DCLRE1A: variants seen among roughly 807,000 people sequenced by gnomAD.
DCLRE1A encodes DNA cross-link repair 1A protein.
A neutral mutation model predicts 91.9 loss-of-function variants in DCLRE1A; 64 were observed. That is an observed-to-expected ratio of 0.70 (90% CI 0.57 to 0.86). The LOEUF is 0.86. Ranked by LOEUF, DCLRE1A falls within the 40% of genes least tolerant of loss-of-function variation. The pLI is 0.00. For missense variants in DCLRE1A, 1,145 were observed against 1,213.3 expected (o/e 0.94, Z 0.84); for synonymous variants, 416 against 431.1 (o/e 0.96, Z 0.43).
In DCLRE1A at chr10:113,853,567, A is replaced by G. The variant is rs1845696577; in HGVS notation, c.-385T>C. ...TATAGGTTCAACAGCTTAATCTTAG[A>G]ACGAGATTTGTAACATTGTTATGAA... is the stretch of plus-strand genomic sequence containing the variant. On this transcript the variant is annotated 5_prime_UTR_variant, in exon 1 of 9. Coordinates refer to ENST00000361384, the MANE Select transcript of DCLRE1A (RefSeq NM_014881.5). 1 of 162,612 alleles carries G rather than the reference A, an allele frequency of 6.1e-6. No homozygotes were observed. The highest frequency in any genetic ancestry group is 2.4e-5 in the African/African-American group (1 of 41,718). The allele number at this position is 162,612 out of a possible 1,614,324, so 10.1% of individuals were successfully genotyped here. A position where few individuals can be genotyped will look rare whatever the true frequency, so the allele number is the denominator to read the frequency against.
In DCLRE1A at chr10:113,847,328, G is replaced by A. The variant is rs758643055; in HGVS notation, c.2133C>T (p.Gly711=). 7.1e-5 allele frequency: 114 copies of A among 1,613,384 alleles called. No individual in the cohort carries two copies. The South Asian group carries it at 7.9e-4, about 11-fold the overall frequency. The change falls in exon 3 of 9, where the codon GGC becomes GGT. Residue 711 remains glycine (G), a synonymous_variant. Transcript: ENST00000361384. Reference sequence around the variant, plus strand: ...CATACTGAAAGGCATCAACTGTAAAGCCGGTTCCTGCAATAAAAATACCGA... The same window carrying A: ...CATACTGAAAGGCATCAACTGTAAAACCGGTTCCTGCAATAAAAATACCGA... The part of the protein sequence containing the change: ...CPFYKKIPGT[G]FTVDAFQYGV...
intron 4 of DCLRE1A, 78 bp from the exon 5 acceptor site, chr10:113,844,322 G>C: frequency 6.4e-7 from 1 of 1,554,624 alleles, no homozygotes; most frequent in Non-Finnish European, 8.7e-7. Flanking sequence ...ATATCAACAA[G>C]TTAGCACGCT....
At chr10:113,835,769 C>T (rs532510013) in intron 8 of DCLRE1A, among the ~76,000 whole-genome samples, 27 of 152,018 alleles carry the variant, frequency 1.8e-4, no homozygotes, top group Middle Eastern at 6.8e-3. Context: ...ACCCCGTCTC[C>T]ACTAAAAATA....
chr10:113,842,412 C>T lies in DCLRE1A; in HGVS notation c.2596G>A (p.Val866Ile), dbSNP rs1396243810. The change falls in exon 6 of 9, where the codon GTA (valine) becomes ATA (isoleucine). Residue 866 changes from valine to isoleucine, a missense_variant. Coordinates refer to ENST00000361384, the MANE Select transcript of DCLRE1A (RefSeq NM_014881.5). ...ACAAGAGCATGTGGGTTTAGAGTTA[C>T]AGCCTCAAAGGCAGTGTTGATGGCA... ...RFAINTAFEA[V>I]TLNPHALVVC... 1 of 1,613,930 alleles carries T rather than the reference C, an allele frequency of 6.2e-7. No individual in the cohort carries two copies. Among genetic ancestry groups the T allele is most frequent in the Non-Finnish European group, 8.5e-7 (1 of 1,179,876 alleles).
In DCLRE1A at chr10:113,834,938, G is replaced by C; in HGVS notation, c.*214C>G. 2.3e-6 allele frequency: 1 copy of C among 439,472 alleles called. No individual in the cohort carries two copies. The highest frequency in any genetic ancestry group is 3.9e-6 in the Non-Finnish European group (1 of 253,880). The allele number at this position is 439,472 out of a possible 1,614,324, so 27.2% of individuals were successfully genotyped here. A position where few individuals can be genotyped will look rare whatever the true frequency, so the allele number is the denominator to read the frequency against. On this transcript the variant is annotated 3_prime_UTR_variant, in exon 9 of 9. Transcript: ENST00000361384. ...GGAGGGCAGGGGACAAGAAATTAAG[G>C]GTCCCAGGGAGACCCAGTTTCAGTT...
At chr10:113,837,952 G>C (rs990883642) in intron 7 of DCLRE1A, among the ~76,000 whole-genome samples, 1 of 152,056 alleles carries the variant, frequency 6.6e-6, no homozygotes, top group East Asian at 1.9e-4. Context: ...AATACTTTTG[G>C]TCTGAGGACT....
chr10:113,851,727 T>TA (rs1845653202), intron 1 of DCLRE1A, among the ~76,000 whole-genome samples: 1 of 151,734 alleles, frequency 6.6e-6, no homozygotes. Context: ...CTATACTTTT[T>TA]TTTTTTTTTT....
chr10:113,838,484 T>C (rs1845395891), intron 7 of DCLRE1A, among the ~76,000 whole-genome samples: 1 of 152,210 alleles, frequency 6.6e-6, no homozygotes, highest in South Asian at 2.1e-4. Flanking sequence ...CATTAGCTTG[T>C]ACCATAAACA....
At chr10:113,847,548 T>C (rs2134663456) in intron 2 of DCLRE1A, among the ~76,000 whole-genome samples, 1 of 126,466 alleles carries the variant, frequency 7.9e-6, no homozygotes, top group South Asian at 2.8e-4. Context: ...AGACTTTTAT[T>C]TGTGAATAAT....
Position 113,841,702 on chromosome 10 carries a change from G to C in DCLRE1A, c.2666-142C>G, listed in dbSNP as rs1219298193. On this transcript the variant is annotated intron_variant, in intron 6 of 8. Coordinates refer to ENST00000361384, the MANE Select transcript of DCLRE1A (RefSeq NM_014881.5). Reference sequence around the variant, plus strand: ...CACTTTTACCATGATATCTCAAAAAGGCTGAATCATTTTGTTAGTTTACTG... The same window carrying C: ...CACTTTTACCATGATATCTCAAAAACGCTGAATCATTTTGTTAGTTTACTG... The C allele has an allele frequency of 9.9e-6, 8 of 805,576 alleles. No homozygotes were observed. The East Asian group carries it at 2.2e-4, about 22-fold the overall frequency. 49.9% of individuals were successfully genotyped at this position (805,576 alleles called of 1,614,324 possible).
At position 113,849,582 on chromosome 10, in the gene DCLRE1A, T is replaced by C; in HGVS notation, c.1523A>G (p.Lys508Arg). The change falls in exon 2 of 9, where the codon AAG becomes AGG. Residue 508 changes from lysine (K) to arginine (R), a missense_variant. Coordinates refer to ENST00000361384, the MANE Select transcript of DCLRE1A (RefSeq NM_014881.5). The part of the protein sequence containing the change: ...NNTNSACFCR[K>R]ALEGVPVGKA... ...ACCAACTGGCACACCCTCTAATGCC[T>C]TTCTGCAGAAACATGCTGAGTTAGT... 1 of 1,613,990 alleles carries C rather than the reference T, an allele frequency of 6.2e-7. No individual in the cohort carries two copies. The highest frequency in any genetic ancestry group is 8.5e-7 in the Non-Finnish European group (1 of 1,180,002).
intron 7 of DCLRE1A, among the ~76,000 whole-genome samples, chr10:113,839,184 G>A (rs1453349407): frequency 6.6e-6 from 1 of 151,948 alleles, no homozygotes. Flanking sequence ...AATTAGCTGG[G>A]CATGGTGGCA....
intron 4 of DCLRE1A, 91 bp downstream of exon 4, chr10:113,845,594 T>G: frequency 3.2e-6 from 3 of 932,232 alleles, no homozygotes. Context: ...TCAAGCATAT[T>G]AATTATAATG....
At chr10:113,846,465 C>A (rs1845539524) in intron 3 of DCLRE1A, among the ~76,000 whole-genome samples, 1 of 152,094 alleles carries the variant, frequency 6.6e-6, no homozygotes, top group Non-Finnish European at 1.5e-5. Flanking sequence ...CTAACCTTAG[C>A]CCAGGACAGG....
Position 113,850,408 on chromosome 10 carries a change from G to A in DCLRE1A, c.697C>T (p.Gln233Ter). ...AGAGACGGAGACTTTTTAAAATACT[G>A]TGTCATCAATAAGGGATCATTTGAA... ...SVSNDPLLMT[Q>*]YFKKSPSLTE... The change falls in exon 2 of 9, where the codon CAG (glutamine) becomes TAG (stop). Residue 233 changes from glutamine (Q) to a stop codon, truncating the protein, a stop_gained. Transcript: ENST00000361384. LOFTEE classifies it high-confidence loss of function. 1 of 1,614,192 alleles carries A rather than the reference G, an allele frequency of 6.2e-7. No homozygotes were observed. The highest frequency in any genetic ancestry group is 8.5e-7 in the Non-Finnish European group (1 of 1,180,028).
intron 4 of DCLRE1A, among the ~76,000 whole-genome samples, chr10:113,845,286 GT>G (rs377438953): frequency 2.6e-5 from 4 of 152,304 alleles, no homozygotes; most frequent in African/African-American, 9.6e-5. Flanking sequence ...TTAAAGAGGG[GT>G]AGGGGGAGAT....
chr10:113,842,557 T>G (rs1279742557), intron 5 of DCLRE1A, 69 bp from the exon 6 acceptor site: 3 of 1,476,894 alleles, frequency 2.0e-6, no homozygotes, highest in African/African-American at 2.8e-5. Context: ...CTGGATGCTA[T>G]TTTAGAAAAC....
At chr10:113,842,548 T>A in intron 5 of DCLRE1A, 60 bp from the exon 6 acceptor site, 1 of 1,509,582 alleles carries the variant, frequency 6.6e-7, no homozygotes, top group Non-Finnish European at 9.0e-7. Flanking sequence ...CACCTTAAGC[T>A]GGATGCTATT....
chr10:113,839,079 A>G (rs1460593429), intron 7 of DCLRE1A, among the ~76,000 whole-genome samples: 1 of 152,148 alleles, frequency 6.6e-6, no homozygotes, highest in Non-Finnish European at 1.5e-5. Flanking sequence ...TATTCCCAGC[A>G]CTTTGGGAGG....
Sources: allele counts gnomAD v4.1 joint callset (sites outside exome capture counted in the v4.1 genomes callset), GRCh38; gene constraint gnomAD v4.1.1; transcripts MANE v1.5; gene names NCBI Gene and HGNC (gene_info 2026-07-23, HGNC 2026-07-21).